Variants in PCDH15 observed in about 807,000 individuals in gnomAD.
PCDH15 encodes protocadherin-15.
In PCDH15, 129 loss-of-function variants were observed where a neutral mutation model predicts 178.5. That is an observed-to-expected ratio of 0.72 (90% confidence interval 0.63 to 0.84). PCDH15 has a LOEUF of 0.84. Ranked by LOEUF, PCDH15 falls within the 40% of genes least tolerant of loss-of-function variation. The pLI, the probability that PCDH15 is intolerant of heterozygous loss-of-function variation, is 0.00. For synonymous variants in PCDH15, 800 were observed against 732.0 expected (o/e 1.09, Z -1.50); for missense variants, 2,230 against 2,099.9 (o/e 1.06, Z -1.21).
At chr10:54,021,866 C>T (rs2092930668) in intron 19 of PCDH15, among the ~76,000 whole-genome samples, 1 of 151,842 alleles carries the variant, frequency 6.6e-6, no homozygotes, top group Non-Finnish European at 1.5e-5. Flanking sequence ...ATGAATTTAA[C>T]AACACCAGCA....
At chr10:55,098,853 T>C (rs527591998) in intron 2 of PCDH15, among the ~76,000 whole-genome samples, 19 of 149,780 alleles carry the variant, frequency 1.3e-4, no homozygotes, top group African/African-American at 4.4e-4. Context: ...AGAATACAGA[T>C]AACACTTTTG....
intron 3 of PCDH15, among the ~76,000 whole-genome samples, chr10:54,480,962 G>A (rs1305435283): frequency 1.3e-5 from 2 of 151,944 alleles, no homozygotes; most frequent in Admixed American, 1.3e-4. Context: ...ATAGAAGTAT[G>A]AGAGCCCGTA....
chr10:54,407,318 A>G (rs572187826), intron 3 of PCDH15, among the ~76,000 whole-genome samples: 2 of 152,194 alleles, frequency 1.3e-5, no homozygotes, highest in East Asian at 3.9e-4. Flanking sequence ...TCAAAGCTGT[A>G]TAGTTAACGT....
intron 3 of PCDH15, among the ~76,000 whole-genome samples, chr10:54,382,206 C>A (rs565755205): frequency 1.3e-5 from 2 of 152,024 alleles, no homozygotes; most frequent in Admixed American, 1.3e-4. Flanking sequence ...CCTCTAGGGA[C>A]GTTTTTTATA....
chr10:53,859,238 AGAG>A (rs1347048658), intron 27 of PCDH15, among the ~76,000 whole-genome samples: 2 of 152,146 alleles, frequency 1.3e-5, no homozygotes, highest in African/African-American at 4.8e-5. Flanking sequence ...GCCTCAGGAC[AGAG>A]GAGCTTTTGC....
At chr10:54,178,968 TG>T (rs2047712256) in intron 13 of PCDH15, among the ~76,000 whole-genome samples, 1 of 152,112 alleles carries the variant, frequency 6.6e-6, no homozygotes, top group Non-Finnish European at 1.5e-5. Context: ...ACACTGTTGG[TG>T]GGATTGTAAA....
intron 13 of PCDH15, among the ~76,000 whole-genome samples, chr10:54,164,956 C>T (rs1452360191): frequency 6.6e-6 from 1 of 152,114 alleles, no homozygotes; most frequent in African/African-American, 2.4e-5. Flanking sequence ...TCAGTCTGAA[C>T]CTAAGGCTGC....
intron 2 of PCDH15, among the ~76,000 whole-genome samples, chr10:54,971,628 G>A (rs533921377): frequency 2.0e-5 from 3 of 152,252 alleles, no homozygotes; most frequent in East Asian, 1.9e-4. Context: ...AGTGTGAAAC[G>A]TATTTTGGCA....
At chr10:54,553,073 C>T (rs1033293726) in intron 2 of PCDH15, among the ~76,000 whole-genome samples, 1 of 152,134 alleles carries the variant, frequency 6.6e-6, no homozygotes, top group African/African-American at 2.4e-5. Context: ...GACCAGACTC[C>T]AAAGCTCCAT....
intron 2 of PCDH15, among the ~76,000 whole-genome samples, chr10:55,139,201 A>AT (rs1174849014): frequency 6.6e-6 from 1 of 151,992 alleles, no homozygotes; most frequent in Non-Finnish European, 1.5e-5. Context: ...AGGTCTTTAT[A>AT]TATTTTAGAT....
intron 2 of PCDH15, among the ~76,000 whole-genome samples, chr10:54,658,030 A>G (rs940297617): frequency 6.6e-6 from 1 of 152,204 alleles, no homozygotes; most frequent in Non-Finnish European, 1.5e-5. Flanking sequence ...AGCTTTAACA[A>G]TACACTAGAC....
chr10:54,465,571 T>C (rs2077463531), intron 3 of PCDH15, among the ~76,000 whole-genome samples: 1 of 152,076 alleles, frequency 6.6e-6, no homozygotes, highest in Non-Finnish European at 1.5e-5. Flanking sequence ...CTAGTGTTAT[T>C]TCATGCATTT....
intron 8 of PCDH15, among the ~76,000 whole-genome samples, chr10:54,237,859 T>G (rs1034015614): frequency 6.6e-6 from 1 of 152,226 alleles, no homozygotes; most frequent in Admixed American, 6.5e-5. Flanking sequence ...AATACAGTTT[T>G]GAAAGCCAAT....
chr10:54,443,880 G>C (rs1214415867), intron 3 of PCDH15, among the ~76,000 whole-genome samples: 2 of 151,546 alleles, frequency 1.3e-5, no homozygotes, highest in Non-Finnish European at 3.0e-5. Flanking sequence ...AGAGCTCTAA[G>C]CTATGCTAAA....
chr10:55,526,176 T>C (rs778309411), intron 2 of PCDH15, among the ~76,000 whole-genome samples: 53 of 152,072 alleles, frequency 3.5e-4, no homozygotes, highest in Non-Finnish European at 7.7e-4. Flanking sequence ...GTGGTTGTAT[T>C]TGACTAATAA....
At position 55,366,988 on chromosome 10, in the gene PCDH15, G is replaced by T. The variant is rs575201369; in HGVS notation, c.-155-200337C>A. ...TAGAAAATTTAATAGGAGAGTTAGAGGTAGGGTGTTTATTTTTAACATTTT... is the reference window on the plus strand; with the variant it reads ...TAGAAAATTTAATAGGAGAGTTAGATGTAGGGTGTTTATTTTTAACATTTT... On this transcript the variant is annotated intron_variant, in intron 2 of 5. Transcript: ENST00000613346. Among the ~76,000 whole-genome samples, 26 of 151,700 alleles carry T rather than the reference G, an allele frequency of 1.7e-4. No individual in the cohort carries two copies. The South Asian group carries it at 4.8e-3, about 28-fold the overall frequency.
At chr10:55,608,309 A>T (rs1843279325) in intron 2 of PCDH15, among the ~76,000 whole-genome samples, 1 of 145,900 alleles carries the variant, frequency 6.9e-6, no homozygotes, top group Admixed American at 6.8e-5. Context: ...AGCAGAGGGA[A>T]GGGGAGGGGG....
chr10:54,670,206 T>G (rs552346057), intron 1 of PCDH15, among the ~76,000 whole-genome samples: 1 of 152,270 alleles, frequency 6.6e-6, no homozygotes, highest in South Asian at 2.1e-4. Context: ...TTGCTATCAC[T>G]TCAATCATTT....
chr10:55,241,743 C>T (rs1371022300), intron 1 of PCDH15, among the ~76,000 whole-genome samples: 1 of 152,092 alleles, frequency 6.6e-6, no homozygotes, highest in African/African-American at 2.4e-5. Flanking sequence ...ATTTCTGGAC[C>T]TTCTCATAAT....
Sources: gnomAD v4.1 joint callset for allele counts (sites outside exome capture counted in the v4.1 genomes callset) on GRCh38, gnomAD v4.1.1 for gene constraint, MANE v1.5 for transcripts, NCBI Gene and HGNC (gene_info 2026-07-23, HGNC 2026-07-21) for gene names.